ADAMTS9: variants seen among roughly 807,000 people sequenced by gnomAD.
ADAMTS9 encodes ADAM metallopeptidase with thrombospondin type 1 motif 9.
Under a neutral mutation model 257.1 loss-of-function variants are expected in ADAMTS9, and 107 were observed. The observed-to-expected ratio is 0.42, with a 90% CI of 0.36 to 0.49. The LOEUF (loss-of-function observed/expected upper bound fraction) is 0.49, where lower values mean the gene tolerates loss of function less well. ADAMTS9 is among the 20% of genes least tolerant of loss of function. The probability of loss-of-function intolerance (pLI) is 0.03; values close to 1 mark genes in which losing one functional copy is unlikely to be tolerated. For missense variants in ADAMTS9, 2,353 were observed against 2,469.1 expected (o/e 0.95, Z 1.00); for synonymous variants, 982 against 880.9 (o/e 1.11, Z -2.03).
intron 30 of ADAMTS9, among the ~76,000 whole-genome samples, chr3:64,551,676 C>T (rs966573230): frequency 3.9e-5 from 6 of 152,188 alleles, no homozygotes; most frequent in Non-Finnish European, 7.3e-5. Flanking sequence ...GATATTGACA[C>T]TTATGGCCAA....
intron 32 of ADAMTS9, among the ~76,000 whole-genome samples, chr3:64,546,001 A>G (rs2083192752): frequency 6.6e-6 from 1 of 152,232 alleles, no homozygotes; most frequent in Non-Finnish European, 1.5e-5. Flanking sequence ...GTTGTATCCC[A>G]GTGCAATGAA....
chr3:64,667,016 G>C (rs1701367095), intron 3 of ADAMTS9, among the ~76,000 whole-genome samples: 1 of 152,124 alleles, frequency 6.6e-6, no homozygotes, highest in Non-Finnish European at 1.5e-5. Flanking sequence ...AGTGTGAGCT[G>C]TTGTTTTTTT....
At chr3:64,613,635 T>C (rs554274268) in intron 21 of ADAMTS9, 126 bp from the exon 22 acceptor site, 14 of 879,600 alleles carry the variant, frequency 1.6e-5, no homozygotes, top group South Asian at 4.3e-5. Context: ...CCATAGCAAT[T>C]TGTAAATATA....
intron 21 of ADAMTS9, 129 bp downstream of exon 21, chr3:64,615,191 CT>C: frequency 8.8e-7 from 1 of 1,131,724 alleles, no homozygotes; most frequent in South Asian, 1.5e-5. Flanking sequence ...GAGTTGTTTT[CT>C]CAAGGGAGAC....
chr3:64,623,909 A>C (rs1234103232), intron 16 of ADAMTS9, among the ~76,000 whole-genome samples: 1 of 152,120 alleles, frequency 6.6e-6, no homozygotes, highest in Non-Finnish European at 1.5e-5. Context: ...AAGATGAAAA[A>C]AATCAGTGAT....
At chr3:64,674,093 T>A (rs74922468) in intron 3 of ADAMTS9, among the ~76,000 whole-genome samples, 59,740 of 150,112 alleles carry the variant, frequency 0.4, 11,910 homozygotes, top group African/African-American at 0.44. Context: ...AACACTAAAG[T>A]TTTTTTTTAA....
intron 39 of ADAMTS9, chr3:64,521,509 C>T (rs1010590145): frequency 6.6e-6 from 1 of 152,176 alleles, no homozygotes; most frequent in Non-Finnish European, 1.5e-5. Context: ...TATTGCAGCA[C>T]TATTCACAAT....
At chr3:64,676,220 C>T (rs528514311) in intron 3 of ADAMTS9, among the ~76,000 whole-genome samples, 18 of 152,162 alleles carry the variant, frequency 1.2e-4, no homozygotes, top group Non-Finnish European at 2.5e-4. Context: ...ATAATCTCCA[C>T]TTCTAAGGTC....
At chr3:64,521,287 TA>T (rs1214093447) in intron 39 of ADAMTS9, among the ~76,000 whole-genome samples, 1 of 151,996 alleles carries the variant, frequency 6.6e-6, no homozygotes, top group Admixed American at 6.6e-5. Flanking sequence ...TCTTAAAAAG[TA>T]AAAAGATAAC....
intron 28 of ADAMTS9, among the ~76,000 whole-genome samples, chr3:64,584,613 GTTTC>G (rs1455874610): frequency 6.6e-6 from 1 of 152,054 alleles, no homozygotes; most frequent in Non-Finnish European, 1.5e-5. Flanking sequence ...GAATACATTT[GTTTC>G]TTTAAGAAAT....
At chr3:64,635,067 T>C (rs1375846924) in intron 12 of ADAMTS9, among the ~76,000 whole-genome samples, 1 of 152,170 alleles carries the variant, frequency 6.6e-6, no homozygotes, top group Non-Finnish European at 1.5e-5. Context: ...TGTTACCTAC[T>C]ATGATACTTC....
In ADAMTS9 at chr3:64,643,445, A is replaced by ATTTTTTTTTT. The variant is rs57471985; in HGVS notation, c.1711-1462_1711-1453dup. Among the ~76,000 whole-genome samples, 53 of 61,416 alleles carry ATTTTTTTTTT rather than the reference A, an allele frequency of 8.6e-4. 11 individuals carry two copies. Among genetic ancestry groups the ATTTTTTTTTT allele is most frequent in the African/African-American group, 3.6e-3 (52 of 14,264 alleles). 40.3% of individuals were successfully genotyped at this position (61,416 alleles called of 152,430 possible). On this transcript the variant is annotated intron_variant, in intron 11 of 39. Coordinates refer to ENST00000498707, the MANE Select transcript of ADAMTS9 (RefSeq NM_182920.2). ...GTAGTCAACATAACATTACTCAATAATTTTTTTTTTTTTTTTTTTTTTTTT... is the reference window on the plus strand; with the variant it reads ...GTAGTCAACATAACATTACTCAATAATTTTTTTTTTTTTTTTTTTTTTTTTTTTTTTTTTT...
In ADAMTS9 at chr3:64,686,477, A is replaced by C. The variant is rs1382748812; in HGVS notation, c.516+91T>G. ...CCGGAGAGGAGCGGAGCCTCGCCAC[A>C]GTGAGGGTCTCTAGGCTTAGAGGAC... On this transcript the variant is annotated intron_variant, in intron 2 of 39. Transcript: ENST00000498707. The surrounding 1 kb of genome is among the most constrained non-coding windows in gnomAD (Gnocchi z 4.6). 8 of 1,436,514 alleles carry C rather than the reference A, an allele frequency of 5.6e-6. No homozygotes were observed. Among genetic ancestry groups the C allele is most frequent in the Non-Finnish European group, 7.4e-6 (8 of 1,081,468 alleles). 89.0% of individuals were successfully genotyped at this position (1,436,514 alleles called of 1,614,324 possible).
intron 36 of ADAMTS9, 87 bp from the exon 37 acceptor site, chr3:64,539,381 A>T (rs1273764562): frequency 9.0e-7 from 1 of 1,109,238 alleles, no homozygotes; most frequent in Non-Finnish European, 1.4e-6. Context: ...AAGGAGACAG[A>T]AGGGAAGAAG....
At chr3:64,667,442 G>T (rs1701376172) in intron 3 of ADAMTS9, among the ~76,000 whole-genome samples, 1 of 152,168 alleles carries the variant, frequency 6.6e-6, no homozygotes, top group Admixed American at 6.5e-5. Flanking sequence ...AGACGCAGGT[G>T]GGATGTGTGG....
In ADAMTS9 at chr3:64,568,428, A is replaced by T. The variant is rs771292927; in HGVS notation, c.4464T>A (p.His1488Gln). Reference protein sequence around the residue: ...SDYCKHLAKPHGHRKCRGGRC... With the variant: ...SDYCKHLAKPQGHRKCRGGRC... Reference sequence around the variant, plus strand: ...TTCCTCCTCGGCACTTTCTGTGCCCATGTGGCTTAGCCAGGTGCTTACAGT... The same window carrying T: ...TTCCTCCTCGGCACTTTCTGTGCCCTTGTGGCTTAGCCAGGTGCTTACAGT... Residue 1488 changes from histidine to glutamine, a missense_variant, in exon 29 of 40, where the codon CAT becomes CAA. By Grantham distance (24) the His-to-Gln change is conservative. Transcript: ENST00000498707. The T allele has an allele frequency of 6.2e-7, 1 of 1,613,796 alleles. No homozygotes were observed. Among genetic ancestry groups the T allele is most frequent in the Non-Finnish European group, 8.5e-7 (1 of 1,179,960 alleles).
At position 64,546,761 on chromosome 3, in the gene ADAMTS9, C is replaced by T. The variant is rs750837492; in HGVS notation, c.5061G>A (p.Gly1687=). The change falls in exon 32 of 40, where the codon GGG becomes GGA. Residue 1687 remains glycine (G), a synonymous_variant. Coordinates refer to ENST00000498707, the MANE Select transcript of ADAMTS9 (RefSeq NM_182920.2). ...GAGTGCTCAGTCTTCTACTTACGCT[C>T]CCCCAGTTGCCAACTCTCCAGGTGG... The part of the protein sequence containing the change: ...VSATWRVGNW[G]SCSVSCGVGV... The T allele has an allele frequency of 5.6e-6, 9 of 1,598,118 alleles. No homozygotes were observed. In the Admixed American group the frequency reaches 1.0e-4, roughly 18 times the overall value.
intron 10 of ADAMTS9, among the ~76,000 whole-genome samples, chr3:64,648,254 C>A (rs1478093784): frequency 1.3e-5 from 2 of 152,176 alleles, no homozygotes; most frequent in Non-Finnish European, 2.9e-5. Context: ...ATGTACCCAC[C>A]ACCAAGCTAA....
intron 32 of ADAMTS9, among the ~76,000 whole-genome samples, chr3:64,545,262 A>G (rs1372754213): frequency 1.3e-5 from 2 of 152,204 alleles, no homozygotes; most frequent in Admixed American, 1.3e-4. Flanking sequence ...TACTGGGCAT[A>G]TACCCAAAGG....
Sources: allele counts gnomAD v4.1 joint callset (sites outside exome capture counted in the v4.1 genomes callset), GRCh38; gene constraint gnomAD v4.1.1; non-coding constraint Gnocchi (gnomAD v3.1); transcripts MANE v1.5; gene names NCBI Gene and HGNC (gene_info 2026-07-23, HGNC 2026-07-21).